Variants in ASPRV1 observed in about 807,000 individuals in gnomAD.
ASPRV1 encodes aspartic peptidase retroviral like 1, also known as retroviral-like aspartic protease 1.
ASPRV1 carries 7 observed loss-of-function variants against 11.0 expected under a neutral mutation model. The ratio of observed to expected loss-of-function variants is 0.64; its 90% CI spans 0.36 to 1.20. The LOEUF (loss-of-function observed/expected upper bound fraction) is 1.20, where lower values mean the gene tolerates loss of function less well. Ranked by LOEUF, ASPRV1 falls within the 50% of genes most tolerant of loss-of-function variation. ASPRV1 has a pLI of 0.02. For missense variants in ASPRV1, 299 were observed against 320.0 expected (o/e 0.93, Z 0.50); for synonymous variants, 136 against 138.4 (o/e 0.98, Z 0.12).
the ASPRV1 span, among the ~76,000 whole-genome samples, chr2:69,973,399 A>G: frequency 1.3e-5 from 2 of 152,116 alleles, 1 homozygote; most frequent in East Asian, 3.8e-4. Context: ...TTTTTTTTAC[A>G]GAATGGGTTG....
the ASPRV1 span, among the ~76,000 whole-genome samples, chr2:70,060,408 C>T: frequency 1.3e-5 from 2 of 150,684 alleles, no homozygotes; most frequent in African/African-American, 4.9e-5. Flanking sequence ...TGCACTGTCT[C>T]AGAAGTCAAA....
chr2:70,003,927 C>T, the ASPRV1 span, among the ~76,000 whole-genome samples: 4 of 152,258 alleles, frequency 2.6e-5, no homozygotes, highest in Admixed American at 6.5e-5. Context: ...CATGGGCTGA[C>T]GCAGCAAAGC....
the ASPRV1 span, among the ~76,000 whole-genome samples, chr2:69,990,933 C>T: frequency 6.6e-6 from 1 of 152,194 alleles, no homozygotes; most frequent in Non-Finnish European, 1.5e-5. Flanking sequence ...CATCTTGAGA[C>T]TGTGTAGACC....
At chr2:70,066,797 A>C in the ASPRV1 span, among the ~76,000 whole-genome samples, 2 of 151,292 alleles carry the variant, frequency 1.3e-5, no homozygotes, top group Non-Finnish European at 2.9e-5. Context: ...ACATGGTCTC[A>C]CTATGTTGCC....
chr2:70,076,521 G>A, the ASPRV1 span, among the ~76,000 whole-genome samples: 1 of 152,172 alleles, frequency 6.6e-6, no homozygotes, highest in Admixed American at 6.5e-5. Flanking sequence ...CATCTTAGGA[G>A]GCAGGTATTA....
the ASPRV1 span, among the ~76,000 whole-genome samples, chr2:70,068,946 CAAAA>C: frequency 1.2e-4 from 7 of 59,084 alleles, no homozygotes; most frequent in Admixed American, 4.3e-4. Flanking sequence ...ACTCTTGTCT[CAAAA>C]AAAAAAAAAA....
chr2:70,039,356 A>G, the ASPRV1 span, among the ~76,000 whole-genome samples: 1 of 152,166 alleles, frequency 6.6e-6, no homozygotes, highest in African/African-American at 2.4e-5. Flanking sequence ...CCATAATCTA[A>G]ACAAATTCAA....
At chr2:69,994,341 G>T in the ASPRV1 span, 1 of 152,458 alleles carries the variant, frequency 6.6e-6, no homozygotes, top group Non-Finnish European at 1.5e-5. Flanking sequence ...TCTCTTACGT[G>T]TCTAGTGTGT....
At chr2:70,012,157 C>G in the ASPRV1 span, 1 of 139,130 alleles carries the variant, frequency 7.2e-6, no homozygotes. Flanking sequence ...AGATCAACAT[C>G]ATTTTTTTTT....
At chr2:70,000,318 C>CAA in the ASPRV1 span, among the ~76,000 whole-genome samples, 1 of 77,042 alleles carries the variant, frequency 1.3e-5, no homozygotes, top group Admixed American at 1.2e-4. Context: ...CCCTCATCTC[C>CAA]AAAAAAAAAA....
the ASPRV1 span, among the ~76,000 whole-genome samples, chr2:70,024,608 T>C: frequency 6.6e-6 from 1 of 152,044 alleles, no homozygotes; most frequent in African/African-American, 2.4e-5. Context: ...ACCCTCTTCC[T>C]CCTTCCCTCC....
At chr2:70,023,288 A>C in the ASPRV1 span, among the ~76,000 whole-genome samples, 1 of 152,186 alleles carries the variant, frequency 6.6e-6, no homozygotes, top group Admixed American at 6.6e-5. Flanking sequence ...TACAACAGCC[A>C]ATCAGGCAAA....
At chr2:70,086,471 G>A in the ASPRV1 span, 2 of 152,260 alleles carry the variant, frequency 1.3e-5, no homozygotes, top group Admixed American at 1.3e-4. Flanking sequence ...TCAGCGGGAA[G>A]AACCGGCAAA....
the ASPRV1 span, among the ~76,000 whole-genome samples, chr2:69,983,405 G>A: frequency 6.6e-6 from 1 of 152,210 alleles, no homozygotes; most frequent in African/African-American, 2.4e-5. Context: ...CCTGAGTTCT[G>A]TTCCCTAGGG....
At chr2:70,016,310 T>C in the ASPRV1 span, 3 of 152,042 alleles carry the variant, frequency 2.0e-5, no homozygotes, top group Middle Eastern at 3.2e-3. Flanking sequence ...TCGTGAACAA[T>C]AGCCAGACAA....
chr2:70,009,920 T>C, the ASPRV1 span, among the ~76,000 whole-genome samples: 1 of 152,166 alleles, frequency 6.6e-6, no homozygotes, highest in Non-Finnish European at 1.5e-5. Context: ...TATAAGGCAA[T>C]GCAGGGACCA....
the ASPRV1 span, among the ~76,000 whole-genome samples, chr2:70,074,796 A>C: frequency 6.6e-6 from 1 of 151,518 alleles, no homozygotes; most frequent in Non-Finnish European, 1.5e-5. Context: ...AGAAAAGACT[A>C]CAAGCAGTAG....
chr2:70,007,095 AACAT>A, the ASPRV1 span, among the ~76,000 whole-genome samples: 1 of 152,242 alleles, frequency 6.6e-6, no homozygotes, highest in Non-Finnish European at 1.5e-5. Flanking sequence ...ATATTCCAAC[AACAT>A]AGTCTGTGGT....
At chr2:69,938,538 G>T in the ASPRV1 span, 1 of 438,614 alleles carries the variant, frequency 2.3e-6, no homozygotes, top group Middle Eastern at 6.2e-4. Context: ...AAGCATCCAA[G>T]AATTCTTAGA....
Sources: allele counts gnomAD v4.1 joint callset (sites outside exome capture counted in the v4.1 genomes callset), GRCh38; gene constraint gnomAD v4.1.1; transcripts MANE v1.5; gene names NCBI Gene and HGNC (gene_info 2026-07-23, HGNC 2026-07-21).